The following GLS variants were observed in gnomAD, a reference collection of about 807,000 sequenced individuals.
The protein encoded by GLS is glutaminase.
GLS carries 36 observed loss-of-function variants against 86.7 expected under a neutral mutation model. That is an observed-to-expected ratio of 0.42 (90% CI 0.32 to 0.55). GLS has a LOEUF of 0.55. GLS is among the 20% of genes least tolerant of loss of function. The pLI is 0.17. For missense variants in GLS, 528 were observed against 833.4 expected, an observed-to-expected ratio of 0.63 and a Z score of 4.51; for synonymous variants, 317 against 305.9, an observed-to-expected ratio of 1.04 and a Z score of -0.38.
intron 14 of GLS, among the ~76,000 whole-genome samples, chr2:190,952,657 C>A (rs1326964779): frequency 6.6e-6 from 1 of 152,150 alleles, no homozygotes. Flanking sequence ...ACTTTCCATT[C>A]CCCAGTTAAA....
chr2:190,948,866 A>G (rs1373068265), intron 14 of GLS, among the ~76,000 whole-genome samples: 1 of 152,148 alleles, frequency 6.6e-6, no homozygotes, highest in Non-Finnish European at 1.5e-5. Context: ...GCACTGTGGG[A>G]GGAAGCAGGA....
chr2:190,962,715 G>T lies in GLS; in HGVS notation c.1854-115G>T. The T allele has an allele frequency of 3.9e-6, 2 of 515,950 alleles. No homozygotes were observed. The highest frequency in any genetic ancestry group is 7.1e-5 in the South Asian group (1 of 14,010). 32.0% of individuals were successfully genotyped at this position (515,950 alleles called of 1,614,324 possible). A position where few individuals can be genotyped will look rare whatever the true frequency, so the allele number is the denominator to read the frequency against. ...ATTATTAATTTTTATTTGTAAAATT[G>T]CTAAAATAGCTAAATTTGGCCATTT... is the stretch of plus-strand genomic sequence containing the variant. On this transcript the variant is annotated intron_variant, in intron 17 of 17. Coordinates refer to ENST00000320717, the MANE Select transcript of GLS (RefSeq NM_014905.5). This position sits in a 1 kb window ranked among gnomAD's most constrained non-coding sequence, Gnocchi z 4.2.
rs1455222263 is a variant in GLS at position 190,920,427 on chromosome 2, A to AT, written c.1039-589dup. On this transcript the variant is annotated intron_variant, in intron 7 of 17. Transcript: ENST00000320717. This position sits in a 1 kb window ranked among gnomAD's most constrained non-coding sequence, Gnocchi z 4.2. Reference sequence around the variant, plus strand: ...AATTTTTTAGAGACTGTGAAATATAATTTTTTTTAGTTCAAGTATATTATA... The same window carrying AT: ...AATTTTTTAGAGACTGTGAAATATAATTTTTTTTTAGTTCAAGTATATTATA... 1.3e-5 allele frequency among the ~76,000 whole-genome samples: 2 copies of AT among 151,792 alleles called. No homozygotes were observed. Among genetic ancestry groups the AT allele is most frequent in the South Asian group, 4.1e-4 (2 of 4,826 alleles).
At chr2:190,892,905 A>G (rs1195843108) in intron 1 of GLS, among the ~76,000 whole-genome samples, 1 of 152,168 alleles carries the variant, frequency 6.6e-6, no homozygotes, top group Non-Finnish European at 1.5e-5. Context: ...TTTGGCAATA[A>G]CGTGGTCATT....
intron 3 of GLS, among the ~76,000 whole-genome samples, chr2:190,898,279 A>G (rs756431800): frequency 6.6e-6 from 1 of 152,240 alleles, no homozygotes; most frequent in Non-Finnish European, 1.5e-5. Context: ...GTTTTTAGTT[A>G]TAAACACTTA....
chr2:190,927,253 G>A, intron 11 of GLS, 53 bp from the exon 12 acceptor site: 2 of 1,264,998 alleles, frequency 1.6e-6, no homozygotes, highest in Non-Finnish European at 2.2e-6. Flanking sequence ...TATCTTAAAA[G>A]TGAACAGTAA....
At chr2:190,884,052 G>A (rs1574554191) in intron 1 of GLS, among the ~76,000 whole-genome samples, 1 of 152,228 alleles carries the variant, frequency 6.6e-6, no homozygotes, top group Non-Finnish European at 1.5e-5. Flanking sequence ...TTTGTCTTTA[G>A]TGATCTTATT....
intron 7 of GLS, among the ~76,000 whole-genome samples, chr2:190,918,395 C>T (rs1431946019): frequency 6.6e-6 from 1 of 152,146 alleles, no homozygotes; most frequent in Non-Finnish European, 1.5e-5. Flanking sequence ...CTGCTAGCTG[C>T]AAACCCTTTT....
chr2:190,918,945 A>T (rs1309816874), intron 7 of GLS, among the ~76,000 whole-genome samples: 1 of 152,126 alleles, frequency 6.6e-6, no homozygotes, highest in African/African-American at 2.4e-5. Context: ...TTATATGGAC[A>T]TGGCTTGTGG....
At position 190,893,915 on chromosome 2, in the gene GLS, C is replaced by G. The variant is rs75953391; in HGVS notation, c.387-1237C>G. Reference sequence around the variant, plus strand: ...TGCATTTTTAGAAGTTGTCTAAGAGCAAAAACAGTTTCAGGGAATAATTAT... The same window carrying G: ...TGCATTTTTAGAAGTTGTCTAAGAGGAAAAACAGTTTCAGGGAATAATTAT... On this transcript the variant is annotated intron_variant, in intron 1 of 17. Transcript: ENST00000320717. Among the ~76,000 whole-genome samples the G allele has an allele frequency of 5.8e-3, 877 of 152,160 alleles. 20 individuals are homozygous for G. The highest frequency in any genetic ancestry group is 0.053 in the East Asian group (274 of 5,188).
At chr2:190,915,352 C>T (rs1157070219) in intron 7 of GLS, among the ~76,000 whole-genome samples, 1 of 151,888 alleles carries the variant, frequency 6.6e-6, no homozygotes, top group East Asian at 1.9e-4. Context: ...TTCAAACAAC[C>T]CATATGGGTT....
In GLS at chr2:190,929,212, TGAG is replaced by T. The variant is rs1473015030; in HGVS notation, c.1426-1218_1426-1216del. Among the ~76,000 whole-genome samples the T allele has an allele frequency of 4.6e-5, 7 of 151,860 alleles. No homozygotes were observed. The South Asian group carries it at 8.3e-4, about 18-fold the overall frequency. On this transcript the variant is annotated intron_variant, in intron 12 of 17. Coordinates refer to ENST00000320717, the MANE Select transcript of GLS (RefSeq NM_014905.5). ...TTTTGCTAATGTAACTTAAATTTTT[TGAG>T]GAGGAGTAATTTAAATTACCATTTT...
chr2:190,885,252 T>C (rs917477694), intron 1 of GLS, among the ~76,000 whole-genome samples: 1 of 152,026 alleles, frequency 6.6e-6, no homozygotes, highest in South Asian at 2.1e-4. Context: ...AGTGCAGTGG[T>C]GTGATCTCGG....
chr2:190,933,977 T>C, intron 14 of GLS: 1 of 940,890 alleles, frequency 1.1e-6, no homozygotes, highest in African/African-American at 1.8e-5. Flanking sequence ...CTATAGATTC[T>C]ACACAACCTG....
At chr2:190,959,368 C>G (rs1690943746) in intron 17 of GLS, among the ~76,000 whole-genome samples, 1 of 151,902 alleles carries the variant, frequency 6.6e-6, no homozygotes, top group Non-Finnish European at 1.5e-5. Flanking sequence ...GGTCTTGACT[C>G]TATCCAATTT....
At chr2:190,898,450 C>G (rs867285132) in intron 3 of GLS, among the ~76,000 whole-genome samples, 2 of 152,022 alleles carry the variant, frequency 1.3e-5, no homozygotes, top group Admixed American at 6.5e-5. Flanking sequence ...AAATAACTCC[C>G]AAGAAAAACC....
At chr2:190,918,930 C>T (rs1689636891) in intron 7 of GLS, among the ~76,000 whole-genome samples, 1 of 151,926 alleles carries the variant, frequency 6.6e-6, no homozygotes, top group Admixed American at 6.6e-5. Flanking sequence ...GTTAAGTTGG[C>T]CATCTTATAT....
chr2:190,908,684 G>T (rs1689246760), intron 6 of GLS, among the ~76,000 whole-genome samples: 1 of 152,216 alleles, frequency 6.6e-6, no homozygotes, highest in Non-Finnish European at 1.5e-5. Context: ...CACGGTCATA[G>T]GTCTTAGGCC....
At position 190,905,473 on chromosome 2, in the gene GLS, G is replaced by C. The variant is rs530528358; in HGVS notation, c.979+306G>C. On this transcript the variant is annotated intron_variant, in intron 6 of 17. Transcript: ENST00000320717. This position sits in a 1 kb window ranked among gnomAD's most constrained non-coding sequence, Gnocchi z 4.6. ...TTTAGTTAAGGCAGCTGGGAGTGCT[G>C]GGTATGATTATTACTATATGTTGGT... 1.3e-5 allele frequency among the ~76,000 whole-genome samples: 2 copies of C among 152,164 alleles called. No individual in the cohort carries two copies. Among genetic ancestry groups the C allele is most frequent in the African/African-American group, 4.8e-5 (2 of 41,564 alleles).
Sources: allele counts gnomAD v4.1 joint callset (sites outside exome capture counted in the v4.1 genomes callset), GRCh38; gene constraint gnomAD v4.1.1; non-coding constraint Gnocchi (gnomAD v3.1); transcripts MANE v1.5; gene names NCBI Gene and HGNC (gene_info 2026-07-23, HGNC 2026-07-21).